ZNF892: variants seen among roughly 807,000 people sequenced by gnomAD.
ZNF892 encodes zinc finger protein 570-like.
the ZNF892 span, among the ~76,000 whole-genome samples, chr2:95,262,646 G>A: frequency 6.6e-6 from 1 of 152,182 alleles, no homozygotes; most frequent in African/African-American, 2.4e-5. Flanking sequence ...ACTGCCTTAG[G>A]ATGATAGAGT....
chr2:95,221,593 T>C, the ZNF892 span, among the ~76,000 whole-genome samples: 32 of 152,334 alleles, frequency 2.1e-4, no homozygotes, highest in Admixed American at 5.2e-4. Flanking sequence ...TAGAAAGTTG[T>C]AGGTTTTTCT....
chr2:95,245,518 C>T, the ZNF892 span, among the ~76,000 whole-genome samples: 1 of 147,606 alleles, frequency 6.8e-6, no homozygotes. Flanking sequence ...ATCCGCCCAC[C>T]TCGGCCTCCC....
At chr2:95,207,759 T>G in the ZNF892 span, 1 of 398,222 alleles carries the variant, frequency 2.5e-6, no homozygotes, top group African/African-American at 2.1e-5. Flanking sequence ...GCGGCGGACC[T>G]CCGGCTCCTT....
chr2:95,219,480 G>C, the ZNF892 span, among the ~76,000 whole-genome samples: 1 of 152,046 alleles, frequency 6.6e-6, no homozygotes, highest in East Asian at 1.9e-4. Flanking sequence ...TTTGTATTGA[G>C]CATGTTTGTA....
At chr2:95,232,943 A>G in the ZNF892 span, among the ~76,000 whole-genome samples, 2 of 152,078 alleles carry the variant, frequency 1.3e-5, no homozygotes, top group African/African-American at 2.4e-5. Context: ...GGCCTGTTGA[A>G]TTCTTGGCAA....
chr2:95,237,065 C>T, the ZNF892 span, among the ~76,000 whole-genome samples: 3 of 151,794 alleles, frequency 2.0e-5, no homozygotes, highest in Non-Finnish European at 4.4e-5. Flanking sequence ...CTCTGTGTCA[C>T]ATCTTGGTAA....
chr2:95,224,448 C>T, the ZNF892 span, among the ~76,000 whole-genome samples: 17 of 152,006 alleles, frequency 1.1e-4, no homozygotes, highest in African/African-American at 1.9e-4. Flanking sequence ...TTACAGGAGG[C>T]GTGGCTGGGG....
At chr2:95,247,053 A>C in the ZNF892 span, among the ~76,000 whole-genome samples, 12 of 152,356 alleles carry the variant, frequency 7.9e-5, no homozygotes, top group East Asian at 1.7e-3. Context: ...TAGCCAAGAC[A>C]ATCCTAAGCA....
the ZNF892 span, among the ~76,000 whole-genome samples, chr2:95,241,845 A>G: frequency 1.3e-5 from 2 of 152,172 alleles, no homozygotes; most frequent in African/African-American, 4.8e-5. Flanking sequence ...GGACTTCACA[A>G]TACAGTTACA....
chr2:95,247,287 G>A, the ZNF892 span, among the ~76,000 whole-genome samples: 2 of 152,138 alleles, frequency 1.3e-5, no homozygotes, highest in Non-Finnish European at 2.9e-5. Flanking sequence ...AACAGTGCTG[G>A]AATAGCCAGC....
chr2:95,253,494 G>A, the ZNF892 span, among the ~76,000 whole-genome samples: 1 of 152,182 alleles, frequency 6.6e-6, no homozygotes, highest in Non-Finnish European at 1.5e-5. Context: ...TAGCCTTGTA[G>A]TATAGTTTGA....
At chr2:95,218,850 C>A in the ZNF892 span, among the ~76,000 whole-genome samples, 1 of 152,152 alleles carries the variant, frequency 6.6e-6, no homozygotes, top group Admixed American at 6.5e-5. Context: ...TGGATTGGGA[C>A]CCCACCTTTA....
the ZNF892 span, among the ~76,000 whole-genome samples, chr2:95,238,671 A>G: frequency 6.6e-6 from 1 of 152,346 alleles, no homozygotes; most frequent in Non-Finnish European, 1.5e-5. Flanking sequence ...AGGAGTCACC[A>G]TTCTAGATGC....
At chr2:95,243,716 G>A in the ZNF892 span, among the ~76,000 whole-genome samples, 1 of 151,546 alleles carries the variant, frequency 6.6e-6, no homozygotes, top group Non-Finnish European at 1.5e-5. Flanking sequence ...CCGGGAGGGA[G>A]GTGCGGGGGT....
the ZNF892 span, among the ~76,000 whole-genome samples, chr2:95,242,848 C>T: frequency 1.3e-5 from 2 of 152,102 alleles, no homozygotes; most frequent in Admixed American, 6.6e-5. Flanking sequence ...CGGTCTCCCT[C>T]TCCCCACGGT....
At chr2:95,222,515 C>T in the ZNF892 span, among the ~76,000 whole-genome samples, 2 of 152,146 alleles carry the variant, frequency 1.3e-5, no homozygotes, top group African/African-American at 2.4e-5. Flanking sequence ...TTTATTTTAT[C>T]CATTCTAGTA....
chr2:95,223,830 T>G, the ZNF892 span, among the ~76,000 whole-genome samples: 1 of 152,218 alleles, frequency 6.6e-6, no homozygotes, highest in South Asian at 2.1e-4. Context: ...AATAAAACTT[T>G]TAGCTATAAC....
chr2:95,230,884 G>T, the ZNF892 span, among the ~76,000 whole-genome samples: 29 of 152,338 alleles, frequency 1.9e-4, no homozygotes, highest in African/African-American at 6.5e-4. Context: ...ACTTCACCCA[G>T]TGCTGACACG....
chr2:95,255,300 A>G, the ZNF892 span, among the ~76,000 whole-genome samples: 247 of 152,336 alleles, frequency 1.6e-3, 1 homozygote, highest in African/African-American at 5.8e-3. Flanking sequence ...GTTGGTTTCA[A>G]AGAACATCTT....
Sources: gnomAD v4.1 joint callset for allele counts (sites outside exome capture counted in the v4.1 genomes callset) on GRCh38, gnomAD v4.1.1 for gene constraint, MANE v1.5 for transcripts, NCBI Gene and HGNC (gene_info 2026-07-23, HGNC 2026-07-21) for gene names.